Variants in PARD3 observed in about 807,000 individuals in gnomAD.
The protein encoded by PARD3 is partitioning defective 3 homolog.
PARD3 carries 75 observed loss-of-function variants against 155.4 expected under a neutral mutation model. The observed-to-expected ratio is 0.48, with a 90% CI of 0.40 to 0.58. The LOEUF is 0.58. Among genes scored for constraint, PARD3 ranks in the 20% least tolerant of loss-of-function variants. PARD3 has a pLI of 0.00. For missense variants in PARD3, 1,642 were observed against 1,721.7 expected (o/e 0.95, Z 0.82); for synonymous variants, 576 against 610.5 (o/e 0.94, Z 0.83).
chr10:34,114,421 GCAA>G (rs1463334736), intron 24 of PARD3, among the ~76,000 whole-genome samples: 3 of 152,124 alleles, frequency 2.0e-5, no homozygotes, highest in Non-Finnish European at 4.4e-5. Context: ...TTGGCTCACT[GCAA>G]CTTCTACTTC....
At chr10:34,339,225 A>T (rs1157217628) in intron 16 of PARD3, among the ~76,000 whole-genome samples, 1 of 152,170 alleles carries the variant, frequency 6.6e-6, no homozygotes, top group Non-Finnish European at 1.5e-5. Context: ...CTTCTAGAAT[A>T]ATTTAAAACT....
Position 34,622,442 on chromosome 10 carries a change from G to C in PARD3, c.222+73876C>G, listed in dbSNP as rs78341391. Among the ~76,000 whole-genome samples the C allele has an allele frequency of 9.1e-4, 138 of 152,170 alleles. 4 individuals carry two copies. In the East Asian group the frequency reaches 0.025, roughly 27 times the overall value. On this transcript the variant is annotated intron_variant, in intron 2 of 24. Coordinates refer to ENST00000374788, the MANE Select transcript of PARD3 (RefSeq NM_001184785.2). ...TGAAATTTCTAAAAATAATACATTA[G>C]AACTTTCATCTAAAAAGCTGGCCAT...
intron 1 of PARD3, among the ~76,000 whole-genome samples, chr10:34,758,017 T>C (rs1002498034): frequency 5.3e-5 from 8 of 152,242 alleles, no homozygotes; most frequent in South Asian, 2.1e-4. Flanking sequence ...CAGACTTTGA[T>C]ACTCCTAAAA....
chr10:34,289,855 T>C (rs1388691439), intron 20 of PARD3, among the ~76,000 whole-genome samples: 1 of 152,158 alleles, frequency 6.6e-6, no homozygotes, highest in African/African-American at 2.4e-5. Context: ...ATATGTACCA[T>C]TACAGTCAAC....
chr10:34,287,052 G>A lies in PARD3; in HGVS notation c.3066-2807C>T, dbSNP rs144456280. 1.3e-4 allele frequency among the ~76,000 whole-genome samples: 20 copies of A among 152,172 alleles called. No homozygotes were observed. The East Asian group carries it at 3.9e-3, about 29-fold the overall frequency. ...GGCCAGGGAAGGAAAAGGTTTGGAG[G>A]ACTTGGGGGTGAAGATATCATAACG... On this transcript the variant is annotated intron_variant, in intron 20 of 24. Transcript: ENST00000374788.
chr10:34,432,771 A>G lies in PARD3; in HGVS notation c.714+17546T>C, dbSNP rs1270633407. 3.9e-5 allele frequency among the ~76,000 whole-genome samples: 6 copies of G among 152,220 alleles called. No individual in the cohort carries two copies. The East Asian group carries it at 1.2e-3, about 29-fold the overall frequency. Reference sequence around the variant, plus strand: ...ATATCTAGACAGTAGTGACCAGCCCATCCTTGCAGGTAAGCACAAGTCTGA... The same window carrying G: ...ATATCTAGACAGTAGTGACCAGCCCGTCCTTGCAGGTAAGCACAAGTCTGA... On this transcript the variant is annotated intron_variant, in intron 5 of 24. Transcript: ENST00000374788.
chr10:34,135,928 A>C (rs1200067821), intron 22 of PARD3, among the ~76,000 whole-genome samples: 1 of 152,200 alleles, frequency 6.6e-6, no homozygotes, highest in East Asian at 1.9e-4. Context: ...CAGTTAGTAG[A>C]CTACTGCCAT....
intron 1 of PARD3, among the ~76,000 whole-genome samples, chr10:34,775,298 G>A (rs777700081): frequency 7.9e-5 from 12 of 151,968 alleles, no homozygotes; most frequent in Admixed American, 3.9e-4. Context: ...CAGGAGGATC[G>A]CTTGAGGTCA....
chr10:34,615,128 C>A (rs2091168129), intron 2 of PARD3, among the ~76,000 whole-genome samples: 1 of 152,088 alleles, frequency 6.6e-6, no homozygotes, highest in Non-Finnish European at 1.5e-5. Context: ...TTGCAGTGAG[C>A]CGAGATGGCG....
At chr10:34,615,563 G>A (rs994362929) in intron 2 of PARD3, among the ~76,000 whole-genome samples, 1 of 152,138 alleles carries the variant, frequency 6.6e-6, no homozygotes, top group South Asian at 2.1e-4. Flanking sequence ...AGATTTTATG[G>A]CTGAGAACTC....
chr10:34,538,765 G>T (rs954104968), intron 2 of PARD3, among the ~76,000 whole-genome samples: 1 of 152,214 alleles, frequency 6.6e-6, no homozygotes, highest in Admixed American at 6.5e-5. Flanking sequence ...CTGCAGAAAC[G>T]CAGGGGTGAG....
chr10:34,704,727 C>G (rs1293210168), intron 1 of PARD3, among the ~76,000 whole-genome samples: 1 of 152,172 alleles, frequency 6.6e-6, no homozygotes, highest in Non-Finnish European at 1.5e-5. Context: ...TGATCATGTG[C>G]ACATGTCACA....
chr10:34,540,206 G>C (rs562558587), intron 2 of PARD3, among the ~76,000 whole-genome samples: 18 of 152,200 alleles, frequency 1.2e-4, no homozygotes, highest in African/African-American at 4.3e-4. Context: ...CATTAGAGCA[G>C]GATTGCTCTG....
chr10:34,505,292 T>C (rs974471368), intron 3 of PARD3, among the ~76,000 whole-genome samples: 10 of 152,166 alleles, frequency 6.6e-5, no homozygotes, highest in Non-Finnish European at 1.5e-5. Flanking sequence ...CTTATTCTCA[T>C]GCAAAGGTAA....
At chr10:34,402,696 A>T (rs1844026532) in intron 5 of PARD3, among the ~76,000 whole-genome samples, 1 of 152,208 alleles carries the variant, frequency 6.6e-6, no homozygotes, top group South Asian at 2.1e-4. Context: ...AATGTGTTGC[A>T]GAAATTCAAT....
Position 34,729,402 on chromosome 10 carries a change from G to A in PARD3, c.121-32983C>T, listed in dbSNP as rs1181645132. On this transcript the variant is annotated intron_variant, in intron 1 of 24. Transcript: ENST00000374788. ...AAAAATTAGCCAGGCGTGGTGGTGG[G>A]TGCCTGTAATCCCAGCTACTCGGGA... 2.6e-5 allele frequency among the ~76,000 whole-genome samples: 4 copies of A among 151,898 alleles called. No individual in the cohort carries two copies. The East Asian group carries it at 7.8e-4, about 30-fold the overall frequency.
intron 2 of PARD3, among the ~76,000 whole-genome samples, chr10:34,598,045 T>C (rs1397270278): frequency 6.6e-6 from 1 of 152,304 alleles, no homozygotes; most frequent in Non-Finnish European, 1.5e-5. Flanking sequence ...TTATCTACTT[T>C]TAAAATGAGC....
At chr10:34,490,332 T>C (rs1431863557) in intron 3 of PARD3, among the ~76,000 whole-genome samples, 1 of 152,120 alleles carries the variant, frequency 6.6e-6, no homozygotes, top group African/African-American at 2.4e-5. Context: ...ATTTATTTTA[T>C]TATTAGGGGA....
At position 34,534,012 on chromosome 10, in the gene PARD3, G is replaced by A. The variant is rs565138459; in HGVS notation, c.223-16853C>T. 4.6e-5 allele frequency among the ~76,000 whole-genome samples: 7 copies of A among 152,266 alleles called. No homozygotes were observed. In the South Asian group the frequency reaches 1.4e-3, roughly 32 times the overall value. On this transcript the variant is annotated intron_variant, in intron 2 of 24. Transcript: ENST00000374788. Reference sequence around the variant, plus strand: ...AACACCCCCATTTCCATGAAAGGCTGCACTTCAATTTCCACATAGCCAACG... The same window carrying A: ...AACACCCCCATTTCCATGAAAGGCTACACTTCAATTTCCACATAGCCAACG...
Sources: gnomAD v4.1 joint callset for allele counts (sites outside exome capture counted in the v4.1 genomes callset) on GRCh38, gnomAD v4.1.1 for gene constraint, MANE v1.5 for transcripts, NCBI Gene and HGNC (gene_info 2026-07-23, HGNC 2026-07-21) for gene names.